Variants in KDM4C observed in about 807,000 individuals in gnomAD.
KDM4C encodes lysine demethylase 4C, also known as lysine-specific demethylase 4C.
KDM4C carries 81 observed loss-of-function variants against 129.3 expected under a neutral mutation model. That is an observed-to-expected ratio of 0.63 (90% confidence interval 0.52 to 0.75). The LOEUF is 0.75. Among genes scored for constraint, KDM4C ranks in the 30% least tolerant of loss-of-function variants. The probability of loss-of-function intolerance (pLI) is 0.00; values close to 1 mark genes in which losing one functional copy is unlikely to be tolerated. For synonymous variants in KDM4C, 573 were observed against 456.1 expected, an observed-to-expected ratio of 1.26 and a Z score of -3.26; for missense variants, 1,457 against 1,304.0, an observed-to-expected ratio of 1.12 and a Z score of -1.81.
chr9:6,873,915 CGAGA>C (rs370139035), intron 5 of KDM4C, among the ~76,000 whole-genome samples: 14 of 112,982 alleles, frequency 1.2e-4, no homozygotes, highest in East Asian at 2.5e-4. Flanking sequence ...AGAGAGAGAG[CGAGA>C]GAGAGAGAGA....
At chr9:6,843,022 A>C (rs1428719669) in intron 4 of KDM4C, among the ~76,000 whole-genome samples, 4 of 152,034 alleles carry the variant, frequency 2.6e-5, no homozygotes, top group African/African-American at 7.2e-5. Flanking sequence ...TTCCACCGCC[A>C]GGGTTCAAGT....
At chr9:6,855,596 C>G (rs976905340) in intron 5 of KDM4C, among the ~76,000 whole-genome samples, 1 of 151,968 alleles carries the variant, frequency 6.6e-6, no homozygotes, top group Non-Finnish European at 1.5e-5. Flanking sequence ...CTGTCTCAGC[C>G]TTTCCCTTTA....
intron 16 of KDM4C, among the ~76,000 whole-genome samples, chr9:7,048,494 A>G (rs1259069918): frequency 6.6e-6 from 1 of 152,118 alleles, no homozygotes; most frequent in Non-Finnish European, 1.5e-5. Flanking sequence ...GTCATTTTTC[A>G]GAAAGTGAAA....
chr9:6,898,451 A>G (rs143245387), intron 8 of KDM4C, among the ~76,000 whole-genome samples: 1 of 152,362 alleles, frequency 6.6e-6, no homozygotes, highest in African/African-American at 2.4e-5. Context: ...ATAGTTGGTG[A>G]CACAAAAATG....
chr9:7,137,900 G>A (rs927470372), intron 19 of KDM4C, among the ~76,000 whole-genome samples: 2 of 152,214 alleles, frequency 1.3e-5, no homozygotes, highest in African/African-American at 2.4e-5. Context: ...TGGCAATAGA[G>A]TGAACTTAGA....
chr9:6,737,370 G>C (rs903522809), intron 1 of KDM4C, among the ~76,000 whole-genome samples: 3 of 151,878 alleles, frequency 2.0e-5, no homozygotes, highest in African/African-American at 7.3e-5. Context: ...AAAAAAGTGA[G>C]CAAAGGACGG....
At chr9:7,123,479 G>A (rs1320558199) in intron 18 of KDM4C, among the ~76,000 whole-genome samples, 1 of 152,198 alleles carries the variant, frequency 6.6e-6, no homozygotes, top group Non-Finnish European at 1.5e-5. Context: ...GGAGCAGATA[G>A]AATTCATTCC....
chr9:7,136,756 C>G (rs1251992786), intron 19 of KDM4C, among the ~76,000 whole-genome samples: 1 of 152,144 alleles, frequency 6.6e-6, no homozygotes, highest in Non-Finnish European at 1.5e-5. Flanking sequence ...CAAACACTTT[C>G]TCCTGGTTCG....
intron 1 of KDM4C, among the ~76,000 whole-genome samples, chr9:6,738,351 T>C (rs1817592471): frequency 6.6e-6 from 1 of 152,104 alleles, no homozygotes. Flanking sequence ...TGGCACATGC[T>C]GTAATCCCAG....
rs562072124 is a variant in KDM4C, at chr9:7,152,508, G to C, written c.2782-12730G>C. Among the ~76,000 whole-genome samples, 7 of 152,350 alleles carry C rather than the reference G, an allele frequency of 4.6e-5. No individual in the cohort carries two copies. The South Asian group carries it at 1.5e-3, about 32-fold the overall frequency. Reference sequence around the variant, plus strand: ...TACCTAGAATAGTCAAATTCTCAGAGACAGAAAGGAGAATGGTGATTGCCA... The same window carrying C: ...TACCTAGAATAGTCAAATTCTCAGACACAGAAAGGAGAATGGTGATTGCCA... On this transcript the variant is annotated intron_variant, in intron 19 of 21. Transcript: ENST00000381309.
At chr9:7,070,877 A>G (rs1402507637) in intron 17 of KDM4C, among the ~76,000 whole-genome samples, 1 of 152,192 alleles carries the variant, frequency 6.6e-6, no homozygotes, top group East Asian at 1.9e-4. Context: ...GGCAAGAAAA[A>G]TGAATTCAAA....
At chr9:6,797,279 G>A (rs1450390725) in intron 2 of KDM4C, among the ~76,000 whole-genome samples, 1 of 152,110 alleles carries the variant, frequency 6.6e-6, no homozygotes, top group African/African-American at 2.4e-5. Flanking sequence ...GAGCCACTGT[G>A]CCTGGCCCGT....
chr9:7,161,419 G>A (rs901782761), intron 19 of KDM4C, among the ~76,000 whole-genome samples: 8 of 152,178 alleles, frequency 5.3e-5, no homozygotes, highest in Non-Finnish European at 1.2e-4. Flanking sequence ...CATCAATCAC[G>A]CTGAGAGCTG....
At chr9:6,787,202 T>G (rs1825666338) in intron 1 of KDM4C, among the ~76,000 whole-genome samples, 1 of 152,214 alleles carries the variant, frequency 6.6e-6, no homozygotes, top group South Asian at 2.1e-4. Context: ...CTTAACAATT[T>G]CTGTGCCTCA....
rs187699067 is a variant in KDM4C at position 6,798,185 on chromosome 9, C to G, written c.144+5053C>G. On this transcript the variant is annotated intron_variant, in intron 2 of 21. Coordinates refer to ENST00000381309, the MANE Select transcript of KDM4C (RefSeq NM_015061.6). ...GGATTTTTGTAAGTTTATTGTGTGC[C>G]TTGCTTCTCTGTCTTTAGAAAATTG... Among the ~76,000 whole-genome samples the G allele has an allele frequency of 6.6e-5, 10 of 151,842 alleles. No individual in the cohort carries two copies. In the East Asian group the frequency reaches 1.7e-3, roughly 26 times the overall value.
intron 12 of KDM4C, among the ~76,000 whole-genome samples, chr9:6,991,467 G>A (rs1818734489): frequency 6.6e-6 from 1 of 151,914 alleles, no homozygotes; most frequent in Non-Finnish European, 1.5e-5. Flanking sequence ...TAAGTGTCTT[G>A]TATATGTCTC....
intron 20 of KDM4C, among the ~76,000 whole-genome samples, chr9:7,166,820 A>T (rs532002790): frequency 6.6e-6 from 1 of 152,224 alleles, no homozygotes; most frequent in Non-Finnish European, 1.5e-5. Flanking sequence ...ATGATGGTCT[A>T]TCAACATAAA....
chr9:6,788,371 C>T (rs556517088), intron 1 of KDM4C, among the ~76,000 whole-genome samples: 1 of 152,302 alleles, frequency 6.6e-6, no homozygotes, highest in Admixed American at 6.5e-5. Flanking sequence ...TCGGGCCACC[C>T]TTGTTCTTTA....
intron 8 of KDM4C, among the ~76,000 whole-genome samples, chr9:6,935,637 C>T (rs1294748773): frequency 6.7e-6 from 1 of 149,806 alleles, no homozygotes; most frequent in African/African-American, 2.5e-5. Context: ...TTTCTAATTT[C>T]TCATTGTAAT....
Sources: allele counts gnomAD v4.1 joint callset (sites outside exome capture counted in the v4.1 genomes callset), GRCh38; gene constraint gnomAD v4.1.1; transcripts MANE v1.5; gene names NCBI Gene and HGNC (gene_info 2026-07-23, HGNC 2026-07-21).